The following FBXO15 variants were observed in gnomAD, a reference collection of about 807,000 sequenced individuals.
FBXO15 encodes F-box only protein 15.
A neutral mutation model predicts 49.5 loss-of-function variants in FBXO15; 30 were observed. That is an observed-to-expected ratio of 0.61 (90% CI 0.45 to 0.82). The LOEUF (loss-of-function observed/expected upper bound fraction) is 0.82. FBXO15 is among the 40% of genes least tolerant of loss of function. FBXO15 has a pLI of 0.00. For synonymous variants in FBXO15, 250 were observed against 232.7 expected (o/e 1.07, Z -0.68); for missense variants, 591 against 631.5 (o/e 0.94, Z 0.69).
intron 8 of FBXO15, among the ~76,000 whole-genome samples, chr18:74,116,802 G>A (rs1196034293): frequency 6.6e-6 from 1 of 152,100 alleles, no homozygotes; most frequent in African/African-American, 2.4e-5. Flanking sequence ...CCCATGTCCT[G>A]CATTCAATAA....
intron 8 of FBXO15, among the ~76,000 whole-genome samples, chr18:74,112,594 C>T (rs78913616): frequency 0.019 from 2,869 of 152,306 alleles, 38 homozygotes; most frequent in Non-Finnish European, 0.029. Context: ...TCATTAAGAT[C>T]AGCAACAGAG....
intron 2 of FBXO15, among the ~76,000 whole-genome samples, chr18:74,138,789 A>G (rs967711164): frequency 1.3e-5 from 2 of 152,104 alleles, no homozygotes; most frequent in African/African-American, 2.4e-5. Flanking sequence ...CTACTGCTTC[A>G]GCCAACAGCT....
chr18:74,096,168 C>A (rs990526281), intron 8 of FBXO15, among the ~76,000 whole-genome samples: 1 of 152,074 alleles, frequency 6.6e-6, no homozygotes, highest in African/African-American at 2.4e-5. Context: ...AAGTACTGAG[C>A]GTGCCTGAGA....
intron 8 of FBXO15, among the ~76,000 whole-genome samples, chr18:74,101,493 T>C (rs1913518371): frequency 6.6e-6 from 1 of 152,122 alleles, no homozygotes; most frequent in Non-Finnish European, 1.5e-5. Context: ...ACACATCCCA[T>C]GCTCATGGAT....
intron 8 of FBXO15, among the ~76,000 whole-genome samples, chr18:74,120,574 AT>A (rs1914429295): frequency 6.6e-6 from 1 of 152,238 alleles, no homozygotes; most frequent in South Asian, 2.1e-4. Flanking sequence ...TATCTAACCC[AT>A]ATATCAAAGA....
chr18:74,112,152 A>G (rs1211228942), intron 8 of FBXO15, among the ~76,000 whole-genome samples: 1 of 152,224 alleles, frequency 6.6e-6, no homozygotes, highest in Non-Finnish European at 1.5e-5. Context: ...CTCTTTCAAA[A>G]GATAGAAGCA....
chr18:74,093,037 C>T (rs1284781064), intron 8 of FBXO15, among the ~76,000 whole-genome samples: 1 of 152,048 alleles, frequency 6.6e-6, no homozygotes, highest in Non-Finnish European at 1.5e-5. Flanking sequence ...GAGCTGGCAA[C>T]CTCCATGCAT....
intron 8 of FBXO15, among the ~76,000 whole-genome samples, chr18:74,090,283 G>GT (rs1912960864): frequency 6.6e-6 from 1 of 151,918 alleles, no homozygotes; most frequent in South Asian, 2.1e-4. Context: ...ATTTCTGATT[G>GT]TATTTATTTG....
At chr18:74,078,204 A>G (rs1344054020) in intron 9 of FBXO15, among the ~76,000 whole-genome samples, 1 of 152,138 alleles carries the variant, frequency 6.6e-6, no homozygotes, top group African/African-American at 2.4e-5. Context: ...CCTAGTTCTC[A>G]AAGTCCAGCA....
intron 8 of FBXO15, among the ~76,000 whole-genome samples, chr18:74,096,464 T>A (rs1374979178): frequency 2.6e-5 from 4 of 151,180 alleles, no homozygotes; most frequent in Non-Finnish European, 5.9e-5. Flanking sequence ...AGGCACCACC[T>A]AGAGCCAAAA....
chr18:74,141,410 C>T (rs1036276905), intron 1 of FBXO15, among the ~76,000 whole-genome samples: 3 of 152,196 alleles, frequency 2.0e-5, no homozygotes, highest in Non-Finnish European at 2.9e-5. Context: ...TCCTGATGTG[C>T]TATTTAAGAA....
intron 9 of FBXO15, among the ~76,000 whole-genome samples, chr18:74,079,077 T>C (rs530052066): frequency 6.6e-6 from 1 of 152,288 alleles, no homozygotes; most frequent in African/African-American, 2.4e-5. Flanking sequence ...CACTGAAATA[T>C]CTAGTCTAAA....
At chr18:74,111,252 T>C (rs527900803) in intron 8 of FBXO15, among the ~76,000 whole-genome samples, 50 of 133,882 alleles carry the variant, frequency 3.7e-4, no homozygotes, top group South Asian at 9.4e-4. Context: ...ATCACCTGAG[T>C]CTCTGTCTCA....
At chr18:74,118,095 C>G (rs1914311151) in intron 8 of FBXO15, among the ~76,000 whole-genome samples, 1 of 151,514 alleles carries the variant, frequency 6.6e-6, no homozygotes, top group Non-Finnish European at 1.5e-5. Context: ...AACCCTGGAA[C>G]TCTCGATCCT....
At chr18:74,081,349 T>C (rs1309222874) in intron 9 of FBXO15, among the ~76,000 whole-genome samples, 1 of 152,160 alleles carries the variant, frequency 6.6e-6, no homozygotes, top group African/African-American at 2.4e-5. Context: ...GGAGCAGCCA[T>C]GGGCACAAGG....
At chr18:74,107,017 G>A (rs915511169) in intron 8 of FBXO15, among the ~76,000 whole-genome samples, 4 of 152,072 alleles carry the variant, frequency 2.6e-5, no homozygotes, top group East Asian at 3.8e-4. Context: ...AGCTATATAT[G>A]TGAAAATGAA....
intron 8 of FBXO15, among the ~76,000 whole-genome samples, chr18:74,119,749 A>G (rs28630957): frequency 0.089 from 13,481 of 152,082 alleles, 1,099 homozygotes; most frequent in African/African-American, 0.22. Context: ...TAGAGTGGGG[A>G]GGACAGAAAA....
chr18:74,092,859 GAGCAGC>G (rs145068026), intron 8 of FBXO15, among the ~76,000 whole-genome samples: 5 of 152,008 alleles, frequency 3.3e-5, no homozygotes, highest in African/African-American at 9.7e-5. Context: ...TTGCATGGGC[GAGCAGC>G]AGCAGCAGCA....
At chr18:74,079,112 T>C (rs1202638766) in intron 9 of FBXO15, among the ~76,000 whole-genome samples, 1 of 152,148 alleles carries the variant, frequency 6.6e-6, no homozygotes, top group Non-Finnish European at 1.5e-5. Context: ...AATCTCCATA[T>C]AGATTTAGAA....
Sources: allele counts gnomAD v4.1 joint callset (sites outside exome capture counted in the v4.1 genomes callset), GRCh38; gene constraint gnomAD v4.1.1; transcripts MANE v1.5; gene names NCBI Gene and HGNC (gene_info 2026-07-23, HGNC 2026-07-21).